The following PLCB1 variants were observed in gnomAD, a reference collection of about 807,000 sequenced individuals.
The protein encoded by PLCB1 is phospholipase C beta 1.
PLCB1 carries 46 observed loss-of-function variants against 161.8 expected under a neutral mutation model. The observed-to-expected ratio is 0.28, with a 90% CI of 0.22 to 0.36. The LOEUF (loss-of-function observed/expected upper bound fraction) is 0.36. Among genes scored for constraint, PLCB1 ranks in the 10% least tolerant of loss-of-function variants. PLCB1 has a pLI of 1.00. For synonymous variants in PLCB1, 517 were observed against 503.7 expected, an observed-to-expected ratio of 1.03 and a Z score of -0.35; for missense variants, 1,016 against 1,472.5, an observed-to-expected ratio of 0.69 and a Z score of 5.07.
At chr20:8,515,800 A>G (rs1984083131) in intron 3 of PLCB1, among the ~76,000 whole-genome samples, 1 of 152,202 alleles carries the variant, frequency 6.6e-6, no homozygotes, top group Non-Finnish European at 1.5e-5. Flanking sequence ...GGGAGTGCTT[A>G]TCTAGATTTG....
intron 31 of PLCB1, among the ~76,000 whole-genome samples, chr20:8,841,132 C>G (rs1312793104): frequency 2.0e-5 from 3 of 152,152 alleles, no homozygotes; most frequent in African/African-American, 7.2e-5. Flanking sequence ...GCCACTGCAC[C>G]CAGCCATCAG....
At chr20:8,577,486 A>C (rs1220947501) in intron 3 of PLCB1, among the ~76,000 whole-genome samples, 1 of 152,018 alleles carries the variant, frequency 6.6e-6, no homozygotes, top group African/African-American at 2.4e-5. Flanking sequence ...GTTGAATCAT[A>C]AAAGCATTTC....
intron 3 of PLCB1, among the ~76,000 whole-genome samples, chr20:8,408,646 A>C (rs1171098734): frequency 6.6e-6 from 1 of 152,174 alleles, no homozygotes; most frequent in Non-Finnish European, 1.5e-5. Context: ...ATTTAATACA[A>C]TGATTCTTAA....
intron 2 of PLCB1, among the ~76,000 whole-genome samples, chr20:8,233,920 C>T (rs6055686): frequency 0.097 from 14,714 of 152,160 alleles, 2,134 homozygotes; most frequent in African/African-American, 0.31. Flanking sequence ...CGATTGTAAT[C>T]CTCATTGCTG....
rs188144686 is a variant in PLCB1 at position 8,685,535 on chromosome 20, T to G, written c.1009+457T>G. ...GGTCAGGAGTTCGAGACCAGCCTGT[T>G]CAATATGGCGAAACCCCTGTCTCTA... On this transcript the variant is annotated intron_variant, in intron 10 of 31. Coordinates refer to ENST00000338037, the MANE Select transcript of PLCB1 (RefSeq NM_015192.4). 2.2e-3 allele frequency among the ~76,000 whole-genome samples: 300 copies of G among 135,300 alleles called. 2 individuals carry two copies. Among genetic ancestry groups the G allele is most frequent in the African/African-American group, 7.9e-3 (289 of 36,356 alleles). 88.8% of individuals were successfully genotyped at this position (135,300 alleles called of 152,430 possible). A position where few individuals can be genotyped will look rare whatever the true frequency, so the allele number is the denominator to read the frequency against.
intron 2 of PLCB1, among the ~76,000 whole-genome samples, chr20:8,170,286 T>C (rs925632103): frequency 5.3e-5 from 8 of 152,104 alleles, no homozygotes; most frequent in East Asian, 1.9e-4. Context: ...TTTTTTTAAA[T>C]AGACTATTTC....
At chr20:8,536,682 C>T (rs1422566002) in intron 3 of PLCB1, among the ~76,000 whole-genome samples, 2 of 152,142 alleles carry the variant, frequency 1.3e-5, no homozygotes, top group African/African-American at 2.4e-5. Flanking sequence ...CCTACATGGC[C>T]ACTTGGTACT....
At chr20:8,331,065 T>A (rs1331809028) in intron 2 of PLCB1, among the ~76,000 whole-genome samples, 1 of 152,166 alleles carries the variant, frequency 6.6e-6, no homozygotes, top group Non-Finnish European at 1.5e-5. Flanking sequence ...ATACACAGAC[T>A]CATGTGTACA....
At chr20:8,456,006 C>T (rs1301147546) in intron 3 of PLCB1, among the ~76,000 whole-genome samples, 4 of 152,150 alleles carry the variant, frequency 2.6e-5, no homozygotes, top group South Asian at 2.1e-4. Context: ...TATAGGAATA[C>T]GTGTTCTGGT....
chr20:8,330,511 C>T (rs571665647), intron 2 of PLCB1, among the ~76,000 whole-genome samples: 86 of 152,350 alleles, frequency 5.6e-4, no homozygotes, highest in African/African-American at 2.0e-3. Flanking sequence ...CCTCCTTTCA[C>T]TGGTTCAGTT....
At chr20:8,187,607 C>G (rs1373695343) in intron 2 of PLCB1, among the ~76,000 whole-genome samples, 1 of 152,000 alleles carries the variant, frequency 6.6e-6, no homozygotes, top group Non-Finnish European at 1.5e-5. Flanking sequence ...TGATCTCATC[C>G]TCAGCCATTC....
At chr20:8,327,480 G>A (rs531095253) in intron 2 of PLCB1, among the ~76,000 whole-genome samples, 1 of 152,194 alleles carries the variant, frequency 6.6e-6, no homozygotes. Flanking sequence ...TGCAAGGGAA[G>A]TTGGAAAATG....
intron 3 of PLCB1, among the ~76,000 whole-genome samples, chr20:8,485,880 CT>C (rs1982702057): frequency 6.6e-6 from 1 of 152,152 alleles, no homozygotes; most frequent in African/African-American, 2.4e-5. Context: ...GTGTATTAGT[CT>C]GTTCTCACGC....
intron 2 of PLCB1, among the ~76,000 whole-genome samples, chr20:8,331,017 T>C (rs1201611260): frequency 6.6e-6 from 1 of 152,180 alleles, no homozygotes; most frequent in African/African-American, 2.4e-5. Flanking sequence ...TCAAAAACAG[T>C]GGACTAGCAG....
intron 9 of PLCB1, among the ~76,000 whole-genome samples, chr20:8,663,045 T>C (rs1001144909): frequency 6.6e-6 from 1 of 152,096 alleles, no homozygotes; most frequent in Non-Finnish European, 1.5e-5. Flanking sequence ...GTTAGTTAAA[T>C]TGGTGTTGAT....
rs140286232 is a variant in PLCB1, at chr20:8,269,959, T to C, written c.178-101423T>C. ...TGAGCTTTACAATTTGGGGGTATTA[T>C]AATCAGGAGATTGTAGATTCGAGCT... On this transcript the variant is annotated intron_variant, in intron 2 of 31. Coordinates refer to ENST00000338037, the MANE Select transcript of PLCB1 (RefSeq NM_015192.4). Among the ~76,000 whole-genome samples, 405 of 152,254 alleles carry C rather than the reference T, an allele frequency of 2.7e-3. 2 individuals carry two copies. Among genetic ancestry groups the C allele is most frequent in the African/African-American group, 9.0e-3 (372 of 41,560 alleles).
chr20:8,228,125 C>T (rs925358066), intron 2 of PLCB1, among the ~76,000 whole-genome samples: 1 of 151,806 alleles, frequency 6.6e-6, no homozygotes, highest in Non-Finnish European at 1.5e-5. Context: ...TGCCATTGCA[C>T]TCCAGCCCTG....
chr20:8,729,440 T>C (rs1418913983), intron 18 of PLCB1: 3 of 236,496 alleles, frequency 1.3e-5, no homozygotes, highest in Non-Finnish European at 2.4e-5. Context: ...TTTAAGATAA[T>C]ACATATTTAT....
chr20:8,286,576 G>GCATC (rs1233675289), intron 2 of PLCB1, among the ~76,000 whole-genome samples: 1 of 152,180 alleles, frequency 6.6e-6, no homozygotes, highest in Non-Finnish European at 1.5e-5. Context: ...GGGACCCACA[G>GCATC]CATCCAGTAC....
Sources: gnomAD v4.1 joint callset for allele counts (sites outside exome capture counted in the v4.1 genomes callset) on GRCh38, gnomAD v4.1.1 for gene constraint, MANE v1.5 for transcripts, NCBI Gene and HGNC (gene_info 2026-07-23, HGNC 2026-07-21) for gene names.